The following ZNF236 variants were observed in gnomAD, a reference collection of about 807,000 sequenced individuals.
The protein encoded by ZNF236 is zinc finger protein 236.
In ZNF236, 50 loss-of-function variants were observed where a neutral mutation model predicts 191.2. The ratio of observed to expected loss-of-function variants is 0.26; its 90% CI spans 0.21 to 0.33. The LOEUF (loss-of-function observed/expected upper bound fraction) is 0.33, where lower values mean the gene tolerates loss of function less well. ZNF236 is among the 10% of genes least tolerant of loss of function. ZNF236 has a pLI of 1.00. For synonymous variants in ZNF236, 907 were observed against 928.8 expected, an observed-to-expected ratio of 0.98 and a Z score of 0.43; for missense variants, 1,754 against 2,374.5, an observed-to-expected ratio of 0.74 and a Z score of 5.43.
chr18:76,870,980 T>C (rs1454323662), intron 4 of ZNF236, among the ~76,000 whole-genome samples: 1 of 152,110 alleles, frequency 6.6e-6, no homozygotes, highest in East Asian at 1.9e-4. Context: ...GAGACCTTTT[T>C]GGAGGCTATG....
chr18:76,824,810 G>A (rs1443850460), intron 1 of ZNF236, among the ~76,000 whole-genome samples: 1 of 152,030 alleles, frequency 6.6e-6, no homozygotes, highest in Admixed American at 6.6e-5. Context: ...ATTTCCAGTG[G>A]GCCCTCCTCT....
At chr18:76,886,553 TG>T in intron 9 of ZNF236, 1 of 190,488 alleles carries the variant, frequency 5.2e-6, no homozygotes, top group Non-Finnish European at 1.1e-5. Context: ...ATAGCAAGCC[TG>T]CTGCTCCTGC....
chr18:76,871,717 T>C lies in ZNF236; in HGVS notation c.559T>C (p.Ser187Pro), dbSNP rs1444875746. The C allele has an allele frequency of 1.2e-6, 2 of 1,614,178 alleles. No homozygotes were observed. Among genetic ancestry groups the C allele is most frequent in the South Asian group, 1.1e-5 (1 of 91,084 alleles). ...TTACACTAGGGTATCAAGTACAAGG[T>C]CTTATAACCGGAATATCGACAGAAG... is the stretch of plus-strand genomic sequence containing the variant. ...HYKIRVSSTR[S>P]YNRNIDRSGF... The change falls in exon 5 of 31, where the codon TCT becomes CCT. Residue 187 changes from serine (S) to proline (P), a missense_variant. By Grantham distance (74) the Ser-to-Pro change is moderately conservative. Around this residue, in one of 5 missense-constraint regions of ZNF236, gnomAD observed 336 missense variants for 495.1 expected, o/e 0.68. Coordinates refer to ENST00000320610, the MANE Select transcript of ZNF236 (RefSeq NM_001306089.2).
At position 76,960,389 on chromosome 18, in the gene ZNF236, G is replaced by A. The variant is rs773456792; in HGVS notation, c.5243-290G>A. ...ACATCATCCCGGGCTCATTTCTGTTGTGATCATCTGACGACTCACTGTGGG... is the reference window on the plus strand; with the variant it reads ...ACATCATCCCGGGCTCATTTCTGTTATGATCATCTGACGACTCACTGTGGG... On this transcript the variant is annotated intron_variant, in intron 29 of 30. Transcript: ENST00000320610. The surrounding 1 kb of genome is among the most constrained non-coding windows in gnomAD (Gnocchi z 4.4). 3.3e-5 allele frequency among the ~76,000 whole-genome samples: 5 copies of A among 152,248 alleles called. 1 individual carries two copies. In the Middle Eastern group the frequency reaches 0.01, roughly 311 times the overall value.
At position 76,905,402 on chromosome 18, in the gene ZNF236, A is replaced by G. The variant is rs747614529; in HGVS notation, c.2284A>G (p.Met762Val). Reference protein sequence around the residue: ...FKTSLNCKKHMKTHRYELAQQ... With the variant: ...FKTSLNCKKHVKTHRYELAQQ... ...GACTTCACTAAATTGCAAAAAGCAC[A>G]TGAAAACCCACAGGTGGGTGTAATT... Residue 762 changes from methionine to valine, a missense_variant, in exon 13 of 31, where the codon ATG becomes GTG. Physicochemically the swap from Met to Val is conservative, Grantham distance 21. Around this residue, in one of 5 missense-constraint regions of ZNF236, gnomAD observed 641 missense variants for 869.6 expected, o/e 0.74. Coordinates refer to ENST00000320610, the MANE Select transcript of ZNF236 (RefSeq NM_001306089.2). 1.9e-6 allele frequency: 3 copies of G among 1,613,868 alleles called. No individual in the cohort carries two copies. Among genetic ancestry groups the G allele is most frequent in the Non-Finnish European group, 2.5e-6 (3 of 1,179,838 alleles).
intron 26 of ZNF236, among the ~76,000 whole-genome samples, chr18:76,942,582 G>T (rs1046540348): frequency 6.6e-6 from 1 of 151,336 alleles, no homozygotes; most frequent in South Asian, 2.1e-4. Context: ...CACGATCTCC[G>T]CTCAGTGCAA....
rs1186013547 is a variant in ZNF236 at position 76,943,541 on chromosome 18, TAAAA to T, written c.4783-3976_4783-3973del. On this transcript the variant is annotated intron_variant, in intron 26 of 30. Coordinates refer to ENST00000320610, the MANE Select transcript of ZNF236 (RefSeq NM_001306089.2). ...TTCTCTTTTATACTAATTCTTGTCA[TAAAA>T]AAACAAACTTATTATTACAGATAAT... is the stretch of plus-strand genomic sequence containing the variant. Among the ~76,000 whole-genome samples the T allele has an allele frequency of 2.6e-5, 4 of 152,310 alleles. No homozygotes were observed. In the East Asian group the frequency reaches 5.8e-4, roughly 22 times the overall value.
At chr18:76,952,379 T>C (rs73490891) in intron 27 of ZNF236, among the ~76,000 whole-genome samples, 394 of 152,364 alleles carry the variant, frequency 2.6e-3, no homozygotes, top group African/African-American at 9.0e-3. Flanking sequence ...ATCCTAATGC[T>C]TTCTTGTCAC....
intron 17 of ZNF236, among the ~76,000 whole-genome samples, chr18:76,912,572 A>G (rs1424457322): frequency 6.6e-6 from 1 of 152,236 alleles, no homozygotes; most frequent in Non-Finnish European, 1.5e-5. Context: ...TGGATACGGC[A>G]GTCTTCAGTT....
intron 27 of ZNF236, among the ~76,000 whole-genome samples, chr18:76,952,022 A>T (rs1968421472): frequency 6.6e-6 from 1 of 152,220 alleles, no homozygotes; most frequent in Non-Finnish European, 1.5e-5. Context: ...ACACAATTAC[A>T]ATAGTAACAT....
intron 3 of ZNF236, among the ~76,000 whole-genome samples, chr18:76,855,487 G>A (rs1477234599): frequency 6.6e-6 from 1 of 152,122 alleles, no homozygotes; most frequent in African/African-American, 2.4e-5. Flanking sequence ...ATAATATTCT[G>A]TGCCTTTTCA....
intron 28 of ZNF236, among the ~76,000 whole-genome samples, chr18:76,956,809 C>T (rs1055597631): frequency 1.3e-5 from 2 of 152,140 alleles, no homozygotes; most frequent in South Asian, 2.1e-4. Flanking sequence ...CAGCCCAGGG[C>T]GCCGTCTTCC....
Position 76,904,449 on chromosome 18 carries a change from C to A in ZNF236, c.1964C>A (p.Ala655Glu), listed in dbSNP as rs376882995. 1 of 1,610,816 alleles carries A rather than the reference C, an allele frequency of 6.2e-7. No individual in the cohort carries two copies. Among genetic ancestry groups the A allele is most frequent in the South Asian group, 1.1e-5 (1 of 90,656 alleles). ...TTCAATAATAATTTTGTCAATGAAG[C>A]AGATAGACCATACAAGTGTTTTTAC... ...SYFNNNFVNE[A>E]DRPYKCFYCH... Residue 655 changes from alanine to glutamate, a missense_variant, in exon 12 of 31, where the codon GCA becomes GAA. Ala to Glu is a moderately radical substitution (Grantham distance 107). Transcript: ENST00000320610.
At chr18:76,948,993 A>T (rs890222785) in intron 27 of ZNF236, among the ~76,000 whole-genome samples, 7 of 152,142 alleles carry the variant, frequency 4.6e-5, no homozygotes, top group Non-Finnish European at 1.0e-4. Flanking sequence ...GATGCTCGGG[A>T]GCTGATCAGG....
intron 30 of ZNF236, among the ~76,000 whole-genome samples, chr18:76,964,398 GT>G (rs1357455838): frequency 6.6e-6 from 1 of 152,118 alleles, no homozygotes; most frequent in Non-Finnish European, 1.5e-5. Context: ...TTTATTTGCA[GT>G]TTTATTCCAC....
chr18:76,895,238 G>A lies in ZNF236; in HGVS notation c.1643G>A (p.Ser548Asn), dbSNP rs1977368132. The A allele has an allele frequency of 6.2e-7, 1 of 1,600,178 alleles. No individual in the cohort carries two copies. Among genetic ancestry groups the A allele is most frequent in the Non-Finnish European group, 8.5e-7 (1 of 1,179,928 alleles). Residue 548 changes from serine to asparagine, a missense_variant, in exon 10 of 31, where the codon AGC becomes AAC. Transcript: ENST00000320610. ...TTCAAGTGCCAGTACTGCATGAAGA[G>A]CTTCTCCACCTCTGGCAGCCTCAAG... ...KAFKCQYCMK[S>N]FSTSGSLKVH...
At chr18:76,951,886 A>G (rs1356406516) in intron 27 of ZNF236, among the ~76,000 whole-genome samples, 1 of 152,176 alleles carries the variant, frequency 6.6e-6, no homozygotes, top group Non-Finnish European at 1.5e-5. Context: ...TCATTTTAGT[A>G]TTGTTGTGTC....
chr18:76,924,691 CT>C (rs1467142324), intron 21 of ZNF236, among the ~76,000 whole-genome samples: 1 of 152,222 alleles, frequency 6.6e-6, no homozygotes, highest in Non-Finnish European at 1.5e-5. Context: ...GCACACAGCC[CT>C]TTGACCCTAG....
intron 28 of ZNF236, among the ~76,000 whole-genome samples, chr18:76,959,242 A>G (rs1968600355): frequency 6.6e-6 from 1 of 152,164 alleles, no homozygotes; most frequent in Non-Finnish European, 1.5e-5. Flanking sequence ...TGGGTGCCGC[A>G]GGGCCTCAGG....
Sources: gnomAD v4.1 joint callset for allele counts (sites outside exome capture counted in the v4.1 genomes callset) on GRCh38, gnomAD v4.1.1 for gene constraint, gnomAD v4.1.1 regional missense constraint, Gnocchi (gnomAD v3.1) non-coding constraint, MANE v1.5 for transcripts, NCBI Gene and HGNC (gene_info 2026-07-23, HGNC 2026-07-21) for gene names.